Variants in PTPRD observed in about 807,000 individuals in gnomAD.
The protein encoded by PTPRD is protein tyrosine phosphatase receptor type D.
PTPRD carries 34 observed loss-of-function variants against 214.5 expected under a neutral mutation model. The ratio of observed to expected loss-of-function variants is 0.16; its 90% CI spans 0.12 to 0.21. The LOEUF (loss-of-function observed/expected upper bound fraction) is 0.21. Among genes scored for constraint, PTPRD ranks in the 10% least tolerant of loss-of-function variants. The probability of loss-of-function intolerance (pLI) is 1.00; values close to 1 mark genes in which losing one functional copy is unlikely to be tolerated. For missense variants in PTPRD, 2,545 were observed against 2,398.7 expected, an observed-to-expected ratio of 1.06 and a Z score of -1.27; for synonymous variants, 1,128 against 845.7, an observed-to-expected ratio of 1.33 and a Z score of -5.79.
At chr9:8,413,469 C>T (rs1226708031) in intron 35 of PTPRD, among the ~76,000 whole-genome samples, 1 of 152,114 alleles carries the variant, frequency 6.6e-6, no homozygotes, top group African/African-American at 2.4e-5. Context: ...CAAATAATCA[C>T]TTAAAAAACT....
At chr9:9,663,473 T>C (rs952466848) in intron 7 of PTPRD, among the ~76,000 whole-genome samples, 9 of 151,500 alleles carry the variant, frequency 5.9e-5, no homozygotes, top group Non-Finnish European at 1.0e-4. Flanking sequence ...AAAAAAATTA[T>C]CCACTTCACT....
intron 2 of PTPRD, among the ~76,000 whole-genome samples, chr9:10,360,724 T>G (rs1182621989): frequency 1.3e-5 from 2 of 152,214 alleles, no homozygotes; most frequent in African/African-American, 4.8e-5. Context: ...TGATATTTAC[T>G]GTATTAAATA....
In PTPRD at chr9:10,612,839, G is replaced by A. The variant is rs2081355623; in HGVS notation, c.-859C>T. The A allele has an allele frequency of 6.6e-6, 1 of 152,134 alleles. No homozygotes were observed. The highest frequency in any genetic ancestry group is 1.5e-5 in the Non-Finnish European group (1 of 68,070). The allele number at this position is 152,134 out of a possible 1,614,324, so 9.4% of individuals were successfully genotyped here. ...GAGCGGCTCCCGGCTCCTCGGAGAA[G>A]CAGCCGAGACGGCAAGGAGGAGGCG... On this transcript the variant is annotated 5_prime_UTR_variant, in exon 1 of 46. Transcript: ENST00000381196.
chr9:9,737,660 A>T (rs192404134), intron 6 of PTPRD, among the ~76,000 whole-genome samples: 85 of 152,296 alleles, frequency 5.6e-4, no homozygotes, highest in African/African-American at 1.9e-3. Context: ...TACTGTTGCA[A>T]TATAATAGTA....
At chr9:9,918,366 A>C (rs1247856678) in intron 5 of PTPRD, among the ~76,000 whole-genome samples, 2 of 150,680 alleles carry the variant, frequency 1.3e-5, no homozygotes, top group African/African-American at 2.4e-5. Context: ...AAAAAAAAAA[A>C]AAAACTCCAC....
chr9:9,013,137 T>G (rs1476200890), intron 11 of PTPRD, among the ~76,000 whole-genome samples: 2 of 152,078 alleles, frequency 1.3e-5, no homozygotes, highest in African/African-American at 4.8e-5. Flanking sequence ...TGCTAGCTCT[T>G]ATTTTTTTTT....
chr9:9,659,897 A>G (rs981152114), intron 7 of PTPRD, among the ~76,000 whole-genome samples: 1 of 152,082 alleles, frequency 6.6e-6, no homozygotes, highest in Non-Finnish European at 1.5e-5. Flanking sequence ...ATAAGTTTTC[A>G]AGGTGAGGAA....
At chr9:9,706,500 C>G (rs75925456) in intron 7 of PTPRD, among the ~76,000 whole-genome samples, 1 of 151,398 alleles carries the variant, frequency 6.6e-6, no homozygotes, top group Admixed American at 6.6e-5. Context: ...AGTGCAATGA[C>G]ACAATCTTGG....
At position 9,422,464 on chromosome 9, in the gene PTPRD, A is replaced by AT. The variant is rs562661802; in HGVS notation, c.-236-24983dup. Among the ~76,000 whole-genome samples, 52 of 152,228 alleles carry AT rather than the reference A, an allele frequency of 3.4e-4. No homozygotes were observed. The South Asian group carries it at 0.01, about 30-fold the overall frequency. ...TTAAAATACACACAGACAAAGAAGC[A>AT]TTTTTTTAAAGCACTGGAGAGCTTT... On this transcript the variant is annotated intron_variant, in intron 8 of 45. Coordinates refer to ENST00000381196, the MANE Select transcript of PTPRD (RefSeq NM_002839.4).
At chr9:9,750,902 A>T (rs1056288909) in intron 6 of PTPRD, among the ~76,000 whole-genome samples, 5 of 152,100 alleles carry the variant, frequency 3.3e-5, no homozygotes, top group African/African-American at 1.2e-4. Context: ...GGAGGTGCTC[A>T]GGGCAGAACA....
intron 8 of PTPRD, among the ~76,000 whole-genome samples, chr9:9,429,088 C>A (rs151216003): frequency 0.05 from 7,573 of 152,104 alleles, 270 homozygotes; most frequent in Non-Finnish European, 0.074. Context: ...ACACAAAAAA[C>A]CCTTCAAAAA....
At chr9:10,376,954 T>C (rs2097741406) in intron 2 of PTPRD, among the ~76,000 whole-genome samples, 1 of 152,050 alleles carries the variant, frequency 6.6e-6, no homozygotes, top group South Asian at 2.1e-4. Context: ...TAAATTGTTA[T>C]TGACTATAGT....
intron 44 of PTPRD, among the ~76,000 whole-genome samples, chr9:8,329,078 A>G (rs1322714990): frequency 6.6e-6 from 1 of 152,004 alleles, no homozygotes; most frequent in Non-Finnish European, 1.5e-5. Context: ...CTTGCTGGCG[A>G]GGAGTTGTGA....
intron 9 of PTPRD, among the ~76,000 whole-genome samples, chr9:9,390,796 G>T (rs2065554679): frequency 6.6e-6 from 1 of 152,144 alleles, no homozygotes; most frequent in African/African-American, 2.4e-5. Flanking sequence ...CTTTGAAAGA[G>T]TTATTAATAC....
intron 2 of PTPRD, among the ~76,000 whole-genome samples, chr9:10,370,001 A>G (rs915985692): frequency 2.6e-5 from 4 of 152,050 alleles, no homozygotes; most frequent in Non-Finnish European, 5.9e-5. Context: ...TCATAGCCAT[A>G]TTATGATGCA....
chr9:8,938,247 G>A (rs1349903408), intron 11 of PTPRD, among the ~76,000 whole-genome samples: 1 of 151,728 alleles, frequency 6.6e-6, no homozygotes, highest in Non-Finnish European at 1.5e-5. Context: ...GATTTTAGGG[G>A]AGAGAAACAG....
chr9:9,807,119 T>C (rs997351322), intron 5 of PTPRD, among the ~76,000 whole-genome samples: 4 of 152,166 alleles, frequency 2.6e-5, no homozygotes, highest in African/African-American at 9.7e-5. Flanking sequence ...TAATAAACTT[T>C]CACTCCCGCT....
At chr9:8,838,594 A>T (rs2097489471) in intron 11 of PTPRD, among the ~76,000 whole-genome samples, 1 of 152,090 alleles carries the variant, frequency 6.6e-6, no homozygotes. Context: ...TTGATTAAAT[A>T]ACAGGTTATT....
intron 9 of PTPRD, among the ~76,000 whole-genome samples, chr9:9,271,481 C>T (rs761840225): frequency 2.6e-5 from 4 of 151,248 alleles, no homozygotes; most frequent in Admixed American, 6.6e-5. Context: ...TTCTTACTTG[C>T]ACAGCAAGTG....
Sources: gnomAD v4.1 joint callset for allele counts (sites outside exome capture counted in the v4.1 genomes callset) on GRCh38, gnomAD v4.1.1 for gene constraint, MANE v1.5 for transcripts, NCBI Gene and HGNC (gene_info 2026-07-23, HGNC 2026-07-21) for gene names.